Variants in ACSS3 observed in about 807,000 individuals in gnomAD.
The protein encoded by ACSS3 is acyl-CoA synthetase short chain family member 3.
Under a neutral mutation model 84.2 loss-of-function variants are expected in ACSS3, and 64 were observed. The observed-to-expected ratio is 0.76, with a 90% CI of 0.62 to 0.94. The LOEUF is 0.94. Among genes scored for constraint, ACSS3 ranks in the 40% least tolerant of loss-of-function variants. The pLI is 0.00. For synonymous variants in ACSS3, 317 were observed against 310.1 expected, an observed-to-expected ratio of 1.02 and a Z score of -0.23; for missense variants, 815 against 867.6, an observed-to-expected ratio of 0.94 and a Z score of 0.76.
intron 1 of ACSS3, among the ~76,000 whole-genome samples, chr12:81,092,320 GA>G (rs1408228245): frequency 6.6e-6 from 1 of 151,970 alleles, no homozygotes; most frequent in Non-Finnish European, 1.5e-5. Flanking sequence ...ATCAAGCGAG[GA>G]AAAAGGGCAT....
chr12:81,150,908 T>C (rs939517534), intron 5 of ACSS3, among the ~76,000 whole-genome samples: 1 of 152,212 alleles, frequency 6.6e-6, no homozygotes, highest in Non-Finnish European at 1.5e-5. Context: ...AGAGCAGTTA[T>C]AATTGTTGTA....
chr12:81,126,069 C>T (rs1015005533), intron 2 of ACSS3, among the ~76,000 whole-genome samples: 3 of 152,138 alleles, frequency 2.0e-5, no homozygotes, highest in Non-Finnish European at 2.9e-5. Flanking sequence ...AGTCTAAACT[C>T]GATGGGCATA....
chr12:81,225,004 T>C (rs1444162473), intron 11 of ACSS3, among the ~76,000 whole-genome samples: 1 of 151,968 alleles, frequency 6.6e-6, no homozygotes, highest in Non-Finnish European at 1.5e-5. Flanking sequence ...GCTGTTCATC[T>C]CTTACTGTGC....
At position 81,199,424 on chromosome 12, in the gene ACSS3, T is replaced by C; in HGVS notation, c.1334T>C (p.Leu445Ser). Residue 445 changes from leucine to serine, a missense_variant, in exon 9 of 16, where the codon TTA becomes TCA. Leu to Ser is a moderately radical substitution (Grantham distance 145, BLOSUM62 -2). Transcript: ENST00000548058. ...WSKNVFRVPV[L>S]DHWWQTETGS... ...AAAAATGTCTTCAGAGTACCTGTCT[T>C]AGACCATTGGTGGCAAACTGGTAAG... 1 of 1,613,360 alleles carries C rather than the reference T, an allele frequency of 6.2e-7. No individual in the cohort carries two copies. The highest frequency in any genetic ancestry group is 2.2e-5 in the East Asian group (1 of 44,830).
intron 8 of ACSS3, among the ~76,000 whole-genome samples, chr12:81,177,062 A>G (rs2030539335): frequency 6.6e-6 from 1 of 152,146 alleles, no homozygotes. Context: ...CTAAAAACAA[A>G]AGCTGTGTGA....
Position 81,078,175 on chromosome 12 carries a change from G to A in ACSS3, c.55G>A (p.Gly19Arg). Residue 19 changes from glycine to arginine, a missense_variant, in exon 1 of 16, where the codon GGG (glycine) becomes AGG (arginine). By Grantham distance (125) the Gly-to-Arg change is moderately radical. Coordinates refer to ENST00000548058, the MANE Select transcript of ACSS3 (RefSeq NM_024560.4). ...AGTCACCAGCGCCGGGGGGCTCGGA[G>A]GGCCCTTGCCTGGGTCCTCTCCGGC... ...RKVTSAGGLG[G>R]PLPGSSPARG... 1 of 1,525,928 alleles carries A rather than the reference G, an allele frequency of 6.6e-7. No homozygotes were observed. The highest frequency in any genetic ancestry group is 8.8e-7 in the Non-Finnish European group (1 of 1,141,746). 94.5% of individuals were successfully genotyped at this position (1,525,928 alleles called of 1,614,324 possible). A position where few individuals can be genotyped will look rare whatever the true frequency, so the allele number is the denominator to read the frequency against.
chr12:81,202,041 G>A (rs9888421), intron 9 of ACSS3, among the ~76,000 whole-genome samples: 105,010 of 151,908 alleles, frequency 0.69, 36,686 homozygotes, highest in Non-Finnish European at 0.76. Context: ...GCACTTTGGG[G>A]GGCCGAGGTG....
chr12:81,184,479 A>G (rs1419594184), intron 8 of ACSS3, among the ~76,000 whole-genome samples: 1 of 151,842 alleles, frequency 6.6e-6, no homozygotes, highest in Non-Finnish European at 1.5e-5. Flanking sequence ...AACCATAAAA[A>G]TAATTAATAA....
intron 5 of ACSS3, among the ~76,000 whole-genome samples, chr12:81,150,301 T>C (rs1363222258): frequency 5.3e-5 from 8 of 152,232 alleles, no homozygotes; most frequent in African/African-American, 1.9e-4. Flanking sequence ...CCATCTGTCA[T>C]AACACATGGA....
chr12:81,251,186 A>C (rs1341495988), intron 13 of ACSS3, among the ~76,000 whole-genome samples: 1 of 152,144 alleles, frequency 6.6e-6, no homozygotes, highest in African/African-American at 2.4e-5. Context: ...GACCTTGAAG[A>C]CAATATAAAG....
chr12:81,198,534 A>AACAC (rs139672244), intron 8 of ACSS3, among the ~76,000 whole-genome samples: 5 of 150,714 alleles, frequency 3.3e-5, no homozygotes, highest in East Asian at 3.9e-4. Flanking sequence ...TAACTCTTTG[A>AACAC]ACACACACAC....
Position 81,135,005 on chromosome 12 carries a change from G to A in ACSS3, c.645+1G>A. The A allele has an allele frequency of 6.3e-7, 1 of 1,578,258 alleles. No individual in the cohort carries two copies. Among genetic ancestry groups the A allele is most frequent in the Non-Finnish European group, 8.6e-7 (1 of 1,159,170 alleles). Reference sequence around the variant, plus strand: ...AAGTAGTCGCATTGATCATGTAAAGGTAAGTGCTTTATTTTGGGAAATCAA... The same window carrying A: ...AAGTAGTCGCATTGATCATGTAAAGATAAGTGCTTTATTTTGGGAAATCAA... On this transcript the variant is annotated splice_donor_variant, in intron 3 of 15. Coordinates refer to ENST00000548058, the MANE Select transcript of ACSS3 (RefSeq NM_024560.4). LOFTEE classifies it high-confidence loss of function.
At chr12:81,192,963 AGAG>A (rs2031647734) in intron 8 of ACSS3, among the ~76,000 whole-genome samples, 1 of 152,120 alleles carries the variant, frequency 6.6e-6, no homozygotes, top group Non-Finnish European at 1.5e-5. Context: ...CTTGAGAAAA[AGAG>A]AGAGATAGAG....
intron 9 of ACSS3, 106 bp from the exon 10 acceptor site, chr12:81,216,795 G>C: frequency 1.2e-6 from 1 of 824,928 alleles, no homozygotes; most frequent in South Asian, 1.5e-5. Flanking sequence ...TCCTAACACA[G>C]CTGCATTGTA....
chr12:81,097,209 G>A (rs1269388316), intron 1 of ACSS3, among the ~76,000 whole-genome samples: 1 of 152,192 alleles, frequency 6.6e-6, no homozygotes, highest in African/African-American at 2.4e-5. Context: ...TCTAGAGAAG[G>A]GAGTGGGAAT....
At position 81,143,247 on chromosome 12, in the gene ACSS3, G is replaced by A. The variant is rs1265240236; in HGVS notation, c.921G>A (p.Lys307=). The change falls in exon 5 of 16, where the codon AAG becomes AAA. Residue 307 remains lysine (K), a splice_region_variant and synonymous_variant. Coordinates refer to ENST00000548058, the MANE Select transcript of ACSS3 (RefSeq NM_024560.4). ...CATCTGGCACAACGGGGTTACCTAA[G>A]GTACTCACTCTCTTAGAGATAACTA... ...LYTSGTTGLP[K]GVIRPTGGYA... The A allele has an allele frequency of 6.3e-7, 1 of 1,587,242 alleles. No individual in the cohort carries two copies. The highest frequency in any genetic ancestry group is 1.3e-5 in the African/African-American group (1 of 74,370).
At chr12:81,121,915 ATATTATTATTATTAT>A (rs10527532) in intron 2 of ACSS3, among the ~76,000 whole-genome samples, 3 of 146,112 alleles carry the variant, frequency 2.1e-5, no homozygotes, top group Admixed American at 6.8e-5. Flanking sequence ...AGAGTATGCT[ATATTATTATTATTAT>A]TATTATTATT....
chr12:81,132,077 TC>T (rs1407018381), intron 2 of ACSS3, among the ~76,000 whole-genome samples: 1 of 152,148 alleles, frequency 6.6e-6, no homozygotes, highest in African/African-American at 2.4e-5. Context: ...GGGATATTGG[TC>T]TAAAATTCTC....
chr12:81,093,464 C>CA (rs11308483), intron 1 of ACSS3, among the ~76,000 whole-genome samples: 3,084 of 141,044 alleles, frequency 0.022, 80 homozygotes, highest in African/African-American at 0.063. Flanking sequence ...CCACCGCCAC[C>CA]AAAAAAAAAA....
Sources: gnomAD v4.1 joint callset for allele counts (sites outside exome capture counted in the v4.1 genomes callset) on GRCh38, gnomAD v4.1.1 for gene constraint, MANE v1.5 for transcripts, NCBI Gene and HGNC (gene_info 2026-07-23, HGNC 2026-07-21) for gene names.